The following TTN variants were observed in gnomAD, a reference collection of about 807,000 sequenced individuals.
The protein encoded by TTN is connectin.
TTN carries 1,525 observed loss-of-function variants against 3,223.0 expected under a neutral mutation model. The observed-to-expected ratio is 0.47, with a 90% confidence interval of 0.45 to 0.49. The LOEUF (loss-of-function observed/expected upper bound fraction) is 0.49. Ranked by LOEUF, TTN falls within the 20% of genes least tolerant of loss-of-function variation. The pLI, the probability that TTN is intolerant of heterozygous loss-of-function variation, is 0.00. For synonymous variants in TTN, 14,094 were observed against 15,161.0 expected (o/e 0.93, Z 5.17); for missense variants, 40,786 against 43,424.0 (o/e 0.94, Z 5.40).
In TTN at chr2:178,782,352, G is replaced by A. The variant is rs142170959; in HGVS notation, c.3240C>T (p.Ala1080=). The change falls in exon 20 of 363, where the codon GCC becomes GCT. Residue 1080 remains alanine, a synonymous_variant. Coordinates refer to ENST00000589042, the MANE Select transcript of TTN (RefSeq NM_001267550.2). ...CTGGTTTTGTAATAAAGTAAGGCGC[G>A]GCAGGTTCTCCAGGCCCTGCTTGTT... is the stretch of plus-strand genomic sequence containing the variant. The part of the protein sequence containing the change: ...TEEQAGPGEP[A]APYFITKPVV... 3.5e-5 allele frequency: 56 copies of A among 1,614,008 alleles called. No individual in the cohort carries two copies. Among genetic ancestry groups the A allele is most frequent in the Middle Eastern group, 1.6e-4 (1 of 6,062 alleles).
Position 178,572,203 on chromosome 2 carries a change from A to G in TTN, c.73929T>C (p.Asp24643=), listed in dbSNP as rs1708460473. The change falls in exon 326 of 363, where the codon GAT becomes GAC. Residue 24643 remains aspartate (D), a synonymous_variant. Coordinates refer to ENST00000589042, the MANE Select transcript of TTN (RefSeq NM_001267550.2). ...VSLSWEKPEH[D]GGSRILGYIV... ...TGTAGCCTAGAATTCGGCTGCCTCC[A>G]TCATGCTCTGGTTTCTCCCAAGAGA... 2 of 1,613,480 alleles carry G rather than the reference A, an allele frequency of 1.2e-6. No homozygotes were observed. The highest frequency in any genetic ancestry group is 1.3e-5 in the African/African-American group (1 of 75,016).
Position 178,634,973 on chromosome 2 carries a change from CTGTCA to C in TTN, c.42025-129_42025-125del. On this transcript the variant is annotated intron_variant, in intron 228 of 362. Coordinates refer to ENST00000589042, the MANE Select transcript of TTN (RefSeq NM_001267550.2). This position sits in a 1 kb window ranked among gnomAD's most constrained non-coding sequence, Gnocchi z 4.6. ...CTAATAAAAGTAAGCAGAGAATTCCCTGTCATAACATTTTACACAAATTGTTCAAG... is the reference window on the plus strand; with the variant it reads ...CTAATAAAAGTAAGCAGAGAATTCCCTAACATTTTACACAAATTGTTCAAG... 2 of 1,373,648 alleles carry C rather than the reference CTGTCA, an allele frequency of 1.5e-6. No homozygotes were observed. The highest frequency in any genetic ancestry group is 1.9e-6 in the Non-Finnish European group (2 of 1,034,154). The allele number at this position is 1,373,648 out of a possible 1,614,324, so 85.1% of individuals were successfully genotyped here.
Position 178,602,063 on chromosome 2 carries a change from TTGA to T in TTN, c.55205_55207del (p.Ile18402del). On this transcript the variant is annotated inframe_deletion, in exon 284 of 363. Coordinates refer to ENST00000589042, the MANE Select transcript of TTN (RefSeq NM_001267550.2). ...AGATGATTTTGGTGTTGGGCGTCCC[TTGA>T]TGACAGCAGGAATCCTAATCTGTGA... The T allele has an allele frequency of 6.2e-7, 1 of 1,612,834 alleles. No homozygotes were observed. Among genetic ancestry groups the T allele is most frequent in the Non-Finnish European group, 8.5e-7 (1 of 1,179,238 alleles).
chr2:178,675,595 G>T, intron 149 of TTN, 76 bp downstream of exon 149: 1 of 1,124,598 alleles, frequency 8.9e-7, no homozygotes, highest in Non-Finnish European at 1.2e-6. Flanking sequence ...ACACATTTAT[G>T]TTGAGTGTCC....
chr2:178,777,178 G>T lies in TTN; in HGVS notation c.4785C>A (p.Ile1595=). 3 of 1,614,086 alleles carry T rather than the reference G, an allele frequency of 1.9e-6. No individual in the cohort carries two copies. Among genetic ancestry groups the T allele is most frequent in the Non-Finnish European group, 2.5e-6 (3 of 1,179,966 alleles). Residue 1595 remains isoleucine (I), a synonymous_variant, in exon 27 of 363, where the codon ATC becomes ATA. Transcript: ENST00000589042. ...TTTTGGGATATTTATGAGGCACAAT[G>T]ATGTCACTGTTTTTCAACCATACAA... The part of the protein sequence containing the change: ...PDIVWLKNSD[I]IVPHKYPKIR...
At chr2:178,723,361 A>G (rs2078760391) in intron 74 of TTN, 37 bp from the exon 75 acceptor site, 1 of 1,604,138 alleles carries the variant, frequency 6.2e-7, no homozygotes, top group South Asian at 1.1e-5. Context: ...AAACACAAGA[A>G]AAACACAAGG....
chr2:178,601,069 G>A lies in TTN; in HGVS notation c.55835C>T (p.Thr18612Ile). The change falls in exon 288 of 363, where the codon ACC (threonine) becomes ATC (isoleucine). Residue 18612 changes from threonine (T) to isoleucine (I), a missense_variant. Coordinates refer to ENST00000589042, the MANE Select transcript of TTN (RefSeq NM_001267550.2). ...PPKNDGGSPV[T>I]HYIVECLAWD... ...TGCAAGGCACTCAACAATATAGTGG[G>A]TAACAGGGGAGCCCCCATCATTCTT... The A allele has an allele frequency of 1.2e-6, 2 of 1,611,616 alleles. No individual in the cohort carries two copies. The highest frequency in any genetic ancestry group is 1.7e-6 in the Non-Finnish European group (2 of 1,178,676).
At position 178,615,777 on chromosome 2, in the gene TTN, A is replaced by G; in HGVS notation, c.48324T>C (p.Phe16108=). 6.2e-7 allele frequency: 1 copy of G among 1,611,446 alleles called. No homozygotes were observed. The highest frequency in any genetic ancestry group is 8.5e-7 in the Non-Finnish European group (1 of 1,178,528). ...SRKTWTKVMD[F]VTDLEFTVPD... ...GAACTGTGAATTCTAGATCAGTCAC[A>G]AAGTCCATAACCTGGGACAAAGAAA... Residue 16108 remains phenylalanine (F), a synonymous_variant, in exon 258 of 363, where the codon TTT becomes TTC. Transcript: ENST00000589042.
chr2:178,767,620 T>A, intron 40 of TTN, 139 bp downstream of exon 40: 14 of 1,252,596 alleles, frequency 1.1e-5, no homozygotes, highest in Non-Finnish European at 1.4e-5. Context: ...CATAAGAGAG[T>A]CTAAGCCAAG....
Position 178,584,259 on chromosome 2 carries a change from A to T in TTN, c.65275+17T>A. 3 of 1,532,530 alleles carry T rather than the reference A, an allele frequency of 2.0e-6. No homozygotes were observed. Among genetic ancestry groups the T allele is most frequent in the Non-Finnish European group, 2.6e-6 (3 of 1,143,384 alleles). 94.9% of individuals were successfully genotyped at this position (1,532,530 alleles called of 1,614,324 possible). On this transcript the variant is annotated intron_variant, in intron 311 of 362. Coordinates refer to ENST00000589042, the MANE Select transcript of TTN (RefSeq NM_001267550.2). Reference sequence around the variant, plus strand: ...ATACTAAAACAACAACAACAATAAAAAAACCCCAAAACTTACCAACTGGCA... The same window carrying T: ...ATACTAAAACAACAACAACAATAAATAAACCCCAAAACTTACCAACTGGCA...
In TTN at chr2:178,723,325, C is replaced by T; in HGVS notation, c.21683-1G>A. The T allele has an allele frequency of 6.2e-7, 1 of 1,610,710 alleles. No individual in the cohort carries two copies. Among genetic ancestry groups the T allele is most frequent in the South Asian group, 1.1e-5 (1 of 90,556 alleles). ...AATCTCTTCAAAAATGCAGCTGGTTCTAGTAAGTGACAAAGCACAGCAGTT... is the reference window on the plus strand; with the variant it reads ...AATCTCTTCAAAAATGCAGCTGGTTTTAGTAAGTGACAAAGCACAGCAGTT... On this transcript the variant is annotated splice_acceptor_variant, in intron 74 of 362. Coordinates refer to ENST00000589042, the MANE Select transcript of TTN (RefSeq NM_001267550.2). LOFTEE classifies it high-confidence loss of function.
At position 178,739,374 on chromosome 2, in the gene TTN, C is replaced by A. The variant is rs55857742; in HGVS notation, c.13859G>T (p.Gly4620Val). Residue 4620 changes from glycine (G) to valine (V), a missense_variant, in exon 48 of 363, where the codon GGT becomes GTT. By Grantham distance (109) the Gly-to-Val change is moderately radical. Coordinates refer to ENST00000589042, the MANE Select transcript of TTN (RefSeq NM_001267550.2). ...GGATGTTGTGAGGTGTACAATATCACCTTCCTCAGAAACAGTGTCCACTAA... is the reference window on the plus strand; with the variant it reads ...GGATGTTGTGAGGTGTACAATATCAACTTCCTCAGAAACAGTGTCCACTAA... ...TPLVDTVSEE[G>V]DIVHLTTSIT... The A allele has an allele frequency of 1.2e-6, 2 of 1,613,882 alleles. No homozygotes were observed. The highest frequency in any genetic ancestry group is 2.2e-5 in the East Asian group (1 of 44,852).
At chr2:178,640,165 C>G in intron 221 of TTN, 55 bp from the exon 222 acceptor site, 2 of 1,555,780 alleles carry the variant, frequency 1.3e-6, no homozygotes, top group Non-Finnish European at 1.8e-6. Flanking sequence ...AAGTTTTTCA[C>G]AAAGTCAAAA....
At position 178,741,460 on chromosome 2, in the gene TTN, C is replaced by T; in HGVS notation, c.11773G>A (p.Val3925Met). ...GHKDTETESA[V>M]AKSLEKLGGP... ...CCCAGCTTTTCCAGAGATTTTGCCACTGCTGATTCTGTTTCAGTGTCTTTG... is the reference window on the plus strand; with the variant it reads ...CCCAGCTTTTCCAGAGATTTTGCCATTGCTGATTCTGTTTCAGTGTCTTTG... The change falls in exon 48 of 363, where the codon GTG becomes ATG. Residue 3925 changes from valine (V) to methionine (M), a missense_variant. Val to Met is a conservative substitution (Grantham distance 21). Transcript: ENST00000589042. The T allele has an allele frequency of 6.2e-7, 1 of 1,613,852 alleles. No individual in the cohort carries two copies. The highest frequency in any genetic ancestry group is 1.3e-5 in the African/African-American group (1 of 75,028).
In TTN at chr2:178,780,183, C is replaced by T. The variant is rs1272182819; in HGVS notation, c.3546G>A (p.Lys1182=). The part of the protein sequence containing the change: ...LEEADYELLM[K]SQQEMLYQTQ... ...TCTGATAAAGCATTTCTTGCTGGGA[C>T]TTCATCAGTAACTCATAATCAGCTA... The change falls in exon 22 of 363, where the codon AAG becomes AAA. Residue 1182 remains lysine, a synonymous_variant. Coordinates refer to ENST00000589042, the MANE Select transcript of TTN (RefSeq NM_001267550.2). The T allele has an allele frequency of 6.2e-7, 1 of 1,613,748 alleles. No homozygotes were observed. Among genetic ancestry groups the T allele is most frequent in the Non-Finnish European group, 8.5e-7 (1 of 1,179,804 alleles).
Position 178,549,044 on chromosome 2 carries a change from C to A in TTN, c.92582G>T (p.Cys30861Phe). ...GTGCCAGTCTCCTAAGTCGGCCTTA[C>A]ACATTTCAATAATATACCCAATTAT... ...MEIIGYIIEMCKADLGDWHKV... is the reference protein window; with the variant it reads ...MEIIGYIIEMFKADLGDWHKV... The change falls in exon 339 of 363, where the codon TGT (cysteine) becomes TTT (phenylalanine). Residue 30861 changes from cysteine to phenylalanine, a missense_variant. Transcript: ENST00000589042. 1.2e-6 allele frequency: 2 copies of A among 1,613,872 alleles called. No individual in the cohort carries two copies. The highest frequency in any genetic ancestry group is 1.7e-6 in the Non-Finnish European group (2 of 1,179,836).
intron 304 of TTN, 72 bp from the exon 305 acceptor site, chr2:178,588,291 C>T: frequency 7.3e-7 from 1 of 1,370,170 alleles, no homozygotes; most frequent in Non-Finnish European, 9.8e-7. Flanking sequence ...ATAGCCTATT[C>T]TCAGTTAATC....
At chr2:178,627,233 C>G (rs2059180999) in intron 240 of TTN, among the ~76,000 whole-genome samples, 2 of 151,740 alleles carry the variant, frequency 1.3e-5, no homozygotes, top group South Asian at 4.2e-4. Flanking sequence ...AACTGACAGC[C>G]AAAAACAACT....
At chr2:178,638,139 C>A (rs1479519542) in intron 223 of TTN, among the ~76,000 whole-genome samples, 1 of 151,820 alleles carries the variant, frequency 6.6e-6, no homozygotes, top group Admixed American at 6.6e-5. Context: ...AAAAGTACTA[C>A]GTTGACATTA....
Sources: gnomAD v4.1 joint callset for allele counts (sites outside exome capture counted in the v4.1 genomes callset) on GRCh38, gnomAD v4.1.1 for gene constraint, Gnocchi (gnomAD v3.1) non-coding constraint, MANE v1.5 for transcripts, NCBI Gene and HGNC (gene_info 2026-07-23, HGNC 2026-07-21) for gene names.